Variants in RHBDD1 observed in about 807,000 individuals in gnomAD.
The protein encoded by RHBDD1 is rhomboid-related protein 4.
A neutral mutation model predicts 36.3 loss-of-function variants in RHBDD1; 38 were observed. The ratio of observed to expected loss-of-function variants is 1.05; its 90% confidence interval spans 0.81 to 1.37. The LOEUF (loss-of-function observed/expected upper bound fraction) is 1.37. RHBDD1 is among the 40% of genes most tolerant of loss of function. RHBDD1 has a pLI of 0.00. For missense variants in RHBDD1, 393 were observed against 377.6 expected, an observed-to-expected ratio of 1.04 and a Z score of -0.34; for synonymous variants, 151 against 136.5, an observed-to-expected ratio of 1.11 and a Z score of -0.74.
intron 5 of RHBDD1, among the ~76,000 whole-genome samples, chr2:226,876,174 G>A (rs960529214): frequency 6.6e-6 from 1 of 152,186 alleles, no homozygotes; most frequent in South Asian, 2.1e-4. Context: ...ATGGACACAC[G>A]GCTTTGGTTT....
At chr2:226,921,482 C>T (rs189646570) in intron 8 of RHBDD1, among the ~76,000 whole-genome samples, 379 of 152,178 alleles carry the variant, frequency 2.5e-3, no homozygotes, top group African/African-American at 8.7e-3. Flanking sequence ...CTATAAACTT[C>T]CCTCTTAGTC....
chr2:226,857,615 G>A (rs1029573186), intron 3 of RHBDD1, among the ~76,000 whole-genome samples: 5 of 152,222 alleles, frequency 3.3e-5, no homozygotes, highest in South Asian at 2.1e-4. Context: ...ACAAAGTATC[G>A]ATAATTGCTA....
chr2:226,805,015 T>A, the RHBDD1 span: 1 of 152,394 alleles, frequency 6.6e-6, no homozygotes, highest in South Asian at 2.0e-4. Flanking sequence ...GAGTGAGACT[T>A]TGTCTCTAAA....
intron 4 of RHBDD1, among the ~76,000 whole-genome samples, chr2:226,865,970 G>C (rs1193865515): frequency 1.3e-5 from 2 of 152,210 alleles, no homozygotes; most frequent in Non-Finnish European, 2.9e-5. Context: ...TGGCATGCTG[G>C]CCATGTTTTA....
At chr2:226,942,269 C>T (rs1315434233) in intron 8 of RHBDD1, among the ~76,000 whole-genome samples, 3 of 146,138 alleles carry the variant, frequency 2.1e-5, no homozygotes, top group East Asian at 2.0e-4. Flanking sequence ...GACAGAGTCT[C>T]GTTCTGTCAC....
intron 8 of RHBDD1, among the ~76,000 whole-genome samples, chr2:226,958,962 G>A (rs374368315): frequency 2.5e-4 from 38 of 152,096 alleles, no homozygotes; most frequent in East Asian, 7.7e-4. Context: ...TCTGGTTAGC[G>A]CGATAAACCT....
upstream of RHBDD1, among the ~76,000 whole-genome samples, chr2:226,835,020 C>T (rs901704346): frequency 6.6e-6 from 1 of 152,222 alleles, no homozygotes; most frequent in African/African-American, 2.4e-5. Flanking sequence ...CGGTGATCCG[C>T]CCGCCTTAGC....
intron 8 of RHBDD1, among the ~76,000 whole-genome samples, chr2:226,967,809 G>A (rs1559321487): frequency 6.6e-6 from 1 of 152,044 alleles, no homozygotes; most frequent in East Asian, 1.9e-4. Flanking sequence ...AATGATAGGA[G>A]TCAGGGTAGA....
chr2:226,836,545 A>G (rs1292989120), intron 1 of RHBDD1, among the ~76,000 whole-genome samples: 1 of 152,238 alleles, frequency 6.6e-6, no homozygotes. Flanking sequence ...TTATTAGAGG[A>G]CAAAAAATCC....
At chr2:226,827,983 T>A in the RHBDD1 span, among the ~76,000 whole-genome samples, 1 of 152,186 alleles carries the variant, frequency 6.6e-6, no homozygotes, top group African/African-American at 2.4e-5. Context: ...TAGCAAAAAA[T>A]TCGTGCATTA....
chr2:226,904,533 C>T (rs191779553), intron 5 of RHBDD1, among the ~76,000 whole-genome samples: 53 of 152,046 alleles, frequency 3.5e-4, no homozygotes, highest in Non-Finnish European at 5.1e-4. Context: ...TGTGTGCACG[C>T]GCATGCATGT....
At chr2:226,925,972 A>G (rs1021281087) in intron 8 of RHBDD1, among the ~76,000 whole-genome samples, 1 of 151,972 alleles carries the variant, frequency 6.6e-6, no homozygotes, top group African/African-American at 2.4e-5. Context: ...GAAGAGGAGG[A>G]GAGGGAGGGA....
At chr2:226,882,934 G>GTTCTCTTACT (rs1945893192) in intron 5 of RHBDD1, among the ~76,000 whole-genome samples, 1 of 152,162 alleles carries the variant, frequency 6.6e-6, no homozygotes, top group Non-Finnish European at 1.5e-5. Flanking sequence ...GAGAAAGCAA[G>GTTCTCTTACT]TTCTCTTACA....
chr2:226,832,704 T>C (rs985180485), upstream of RHBDD1, among the ~76,000 whole-genome samples: 10 of 152,230 alleles, frequency 6.6e-5, no homozygotes, highest in African/African-American at 2.2e-4. Flanking sequence ...CTTATCAGTA[T>C]GGAATTTCTG....
intron 5 of RHBDD1, among the ~76,000 whole-genome samples, chr2:226,886,310 C>G (rs1468851353): frequency 6.6e-6 from 1 of 152,110 alleles, no homozygotes; most frequent in Non-Finnish European, 1.5e-5. Flanking sequence ...GGGTGTCTGG[C>G]CCAGCTAAAG....
chr2:226,800,171 G>C, the RHBDD1 span: 2 of 152,184 alleles, frequency 1.3e-5, no homozygotes, highest in Non-Finnish European at 2.9e-5. Context: ...CCCCGAGTGG[G>C]AGGCCGGGGG....
At chr2:226,938,515 A>T (rs1319447448) in intron 8 of RHBDD1, among the ~76,000 whole-genome samples, 3 of 152,286 alleles carry the variant, frequency 2.0e-5, no homozygotes, top group Admixed American at 2.0e-4. Flanking sequence ...AGTAAATTGG[A>T]AAATCTAGGA....
the RHBDD1 span, among the ~76,000 whole-genome samples, chr2:226,822,561 T>G: frequency 0.34 from 49,380 of 147,182 alleles, 11,798 homozygotes; most frequent in African/African-American, 0.69. Context: ...CTTGAACTGG[T>G]GGGCTGAGGT....
intron 8 of RHBDD1, among the ~76,000 whole-genome samples, chr2:226,973,484 A>G (rs1953968215): frequency 6.6e-6 from 1 of 152,196 alleles, no homozygotes; most frequent in African/African-American, 2.4e-5. Flanking sequence ...AACTGCCCCC[A>G]TTCTAAGATT....
Sources: allele counts gnomAD v4.1 joint callset (sites outside exome capture counted in the v4.1 genomes callset), GRCh38; gene constraint gnomAD v4.1.1; transcripts MANE v1.5; gene names NCBI Gene and HGNC (gene_info 2026-07-23, HGNC 2026-07-21).